Variants in KIF26B observed in about 807,000 individuals in gnomAD.
KIF26B encodes kinesin family member 26B, also known as kinesin-like protein KIF26B.
KIF26B carries 63 observed loss-of-function variants against 151.2 expected under a neutral mutation model. The ratio of observed to expected loss-of-function variants is 0.42; its 90% CI spans 0.34 to 0.51. The LOEUF (loss-of-function observed/expected upper bound fraction) is 0.51, where lower values mean the gene tolerates loss of function less well. Ranked by LOEUF, KIF26B falls within the 20% of genes least tolerant of loss-of-function variation. The probability of loss-of-function intolerance (pLI) is 0.07; values close to 1 mark genes in which losing one functional copy is unlikely to be tolerated. For synonymous variants in KIF26B, 1,357 were observed against 1,262.1 expected, an observed-to-expected ratio of 1.08 and a Z score of -1.59; for missense variants, 2,813 against 2,913.6, an observed-to-expected ratio of 0.97 and a Z score of 0.79.
At chr1:245,303,442 C>A (rs898642427) in intron 2 of KIF26B, among the ~76,000 whole-genome samples, 18 of 150,818 alleles carry the variant, frequency 1.2e-4, no homozygotes, top group Admixed American at 2.0e-4. Flanking sequence ...TCGTGATCCG[C>A]CCGCCTCGGC....
At chr1:245,238,621 G>T (rs1670156918) in intron 2 of KIF26B, among the ~76,000 whole-genome samples, 1 of 152,164 alleles carries the variant, frequency 6.6e-6, no homozygotes, top group South Asian at 2.1e-4. Context: ...AGCACTTTGG[G>T]AGGCAGAGAC....
intron 2 of KIF26B, chr1:245,225,962 G>A (rs1406330153): frequency 2.6e-5 from 4 of 152,174 alleles, no homozygotes; most frequent in Admixed American, 1.3e-4. Flanking sequence ...TTTGTTTTGC[G>A]TTTCACTGAG....
chr1:245,253,650 A>G (rs1670481798), intron 2 of KIF26B, among the ~76,000 whole-genome samples: 1 of 152,018 alleles, frequency 6.6e-6, no homozygotes, highest in Non-Finnish European at 1.5e-5. Flanking sequence ...GCATTTGGAC[A>G]TGGGGATTAT....
At chr1:245,631,058 T>A (rs1286725735) in intron 9 of KIF26B, among the ~76,000 whole-genome samples, 1 of 152,208 alleles carries the variant, frequency 6.6e-6, no homozygotes. Context: ...AATTATTATA[T>A]GCCATCTGCA....
intron 5 of KIF26B, among the ~76,000 whole-genome samples, chr1:245,598,823 G>A (rs1343339752): frequency 6.6e-6 from 1 of 152,184 alleles, no homozygotes; most frequent in Non-Finnish European, 1.5e-5. Context: ...AGGGCAGAGC[G>A]AGGTCCCGAC....
intron 2 of KIF26B, among the ~76,000 whole-genome samples, chr1:245,327,675 A>G (rs908611826): frequency 1.6e-4 from 24 of 152,206 alleles, no homozygotes; most frequent in African/African-American, 4.8e-4. Flanking sequence ...TGTCCCTGGA[A>G]GAGTCAAGAA....
intron 9 of KIF26B, among the ~76,000 whole-genome samples, chr1:245,640,015 T>G (rs1466744588): frequency 6.6e-6 from 1 of 150,766 alleles, no homozygotes; most frequent in Admixed American, 6.6e-5. Context: ...GTTTCTTTGT[T>G]GATTTTTCTG....
intron 2 of KIF26B, among the ~76,000 whole-genome samples, chr1:245,181,120 A>G (rs1336163239): frequency 6.6e-6 from 1 of 152,168 alleles, no homozygotes; most frequent in East Asian, 1.9e-4. Context: ...TCGTGCCATT[A>G]TCTCTTTCAC....
intron 4 of KIF26B, among the ~76,000 whole-genome samples, chr1:245,443,174 GGTCATCTCCCTCACTGTTCACCTAGAGCT>G (rs1271150244): frequency 7.2e-6 from 1 of 139,284 alleles, no homozygotes; most frequent in African/African-American, 2.7e-5. Context: ...TTAGAGGAGA[GGTCATCTCCCTCACTGTTCACCTAGAGCT>G]GTCATCTCCC....
At chr1:245,635,098 G>T (rs1255302686) in intron 9 of KIF26B, among the ~76,000 whole-genome samples, 32 of 133,008 alleles carry the variant, frequency 2.4e-4, no homozygotes, top group Non-Finnish European at 2.8e-4. Flanking sequence ...AGGTTTTTGT[G>T]TTTTTTTTTT....
rs563806706 is a variant in KIF26B at position 245,290,481 on chromosome 1, G to T, written c.466-76353G>T. 2.4e-4 allele frequency among the ~76,000 whole-genome samples: 37 copies of T among 152,346 alleles called. No homozygotes were observed. The South Asian group carries it at 4.4e-3, about 18-fold the overall frequency. Reference sequence around the variant, plus strand: ...TTCATGATATGCTAAACAAGGGGTGGATTATTCATGCCTCCCCTTTTTAGA... The same window carrying T: ...TTCATGATATGCTAAACAAGGGGTGTATTATTCATGCCTCCCCTTTTTAGA... On this transcript the variant is annotated intron_variant, in intron 2 of 14. Transcript: ENST00000407071.
At chr1:245,177,152 A>T in intron 2 of KIF26B, among the ~76,000 whole-genome samples, 1 of 152,068 alleles carries the variant, frequency 6.6e-6, no homozygotes, top group African/African-American at 2.4e-5. Flanking sequence ...ATGGGGTCTT[A>T]TTGTGTTGCC....
intron 2 of KIF26B, among the ~76,000 whole-genome samples, chr1:245,335,341 G>T (rs1337402630): frequency 6.6e-6 from 1 of 152,132 alleles, no homozygotes; most frequent in Non-Finnish European, 1.5e-5. Context: ...TGGCATCCCA[G>T]GCTCCTGCTT....
At chr1:245,555,007 G>A (rs570868155) in intron 5 of KIF26B, among the ~76,000 whole-genome samples, 4 of 152,288 alleles carry the variant, frequency 2.6e-5, no homozygotes, top group Middle Eastern at 3.4e-3. Context: ...ATAGAAAGTC[G>A]TCTGCCCTTC....
intron 2 of KIF26B, among the ~76,000 whole-genome samples, chr1:245,331,424 A>G (rs531478969): frequency 1.6e-4 from 25 of 152,312 alleles, no homozygotes; most frequent in African/African-American, 5.5e-4. Flanking sequence ...GTCGTCCAAG[A>G]CTTTAAATGA....
At chr1:245,455,484 C>T (rs1177030704) in intron 4 of KIF26B, among the ~76,000 whole-genome samples, 1 of 152,054 alleles carries the variant, frequency 6.6e-6, no homozygotes, top group Non-Finnish European at 1.5e-5. Flanking sequence ...AGCCTGGTGA[C>T]AGAGTGAGAT....
intron 2 of KIF26B, among the ~76,000 whole-genome samples, chr1:245,254,286 G>A (rs1479187278): frequency 6.6e-6 from 1 of 152,130 alleles, no homozygotes; most frequent in Non-Finnish European, 1.5e-5. Context: ...AAGTGGCCGT[G>A]CTGGGCACAT....
rs372545978 is a variant in KIF26B at position 245,527,634 on chromosome 1, T to C, written c.1167-13133T>C. On this transcript the variant is annotated intron_variant, in intron 4 of 14. Coordinates refer to ENST00000407071, the MANE Select transcript of KIF26B (RefSeq NM_018012.4). The stretch of plus-strand genomic sequence containing the variant: ...CTGCAAGCTCCACCTCCCGGGTTCA[T>C]GCCATTCTCCTGCCTCAGCCTCCCG... Among the ~76,000 whole-genome samples, 501 of 139,098 alleles carry C rather than the reference T, an allele frequency of 3.6e-3. 11 individuals are homozygous for C. The highest frequency in any genetic ancestry group is 0.013 in the African/African-American group (451 of 35,640). The allele number at this position is 139,098 out of a possible 152,430, so 91.3% of individuals were successfully genotyped here. A position where few individuals can be genotyped will look rare whatever the true frequency, so the allele number is the denominator to read the frequency against.
intron 11 of KIF26B, among the ~76,000 whole-genome samples, chr1:245,684,840 CA>C (rs2044488864): frequency 6.6e-6 from 1 of 152,226 alleles, no homozygotes; most frequent in Admixed American, 6.5e-5. Context: ...GTCCAGGAGT[CA>C]CTCCCTGGCT....
Sources: gnomAD v4.1 joint callset for allele counts (sites outside exome capture counted in the v4.1 genomes callset) on GRCh38, gnomAD v4.1.1 for gene constraint, MANE v1.5 for transcripts, NCBI Gene and HGNC (gene_info 2026-07-23, HGNC 2026-07-21) for gene names.